Variants in OLA1 observed in about 807,000 individuals in gnomAD.
OLA1 encodes Obg like ATPase 1.
A neutral mutation model predicts 48.4 loss-of-function variants in OLA1; 14 were observed. That is an observed-to-expected ratio of 0.29 (90% CI 0.19 to 0.45). The LOEUF (loss-of-function observed/expected upper bound fraction) is 0.45. Ranked by LOEUF, OLA1 falls within the 20% of genes least tolerant of loss-of-function variation. OLA1 has a pLI of 1.00. For missense variants in OLA1, 325 were observed against 467.1 expected, an observed-to-expected ratio of 0.70 and a Z score of 2.80; for synonymous variants, 127 against 150.4, an observed-to-expected ratio of 0.84 and a Z score of 1.14.
intron 10 of OLA1, 62 bp from the exon 11 acceptor site, chr2:174,075,589 T>C: frequency 2.0e-6 from 2 of 979,302 alleles, no homozygotes; most frequent in East Asian, 2.4e-5. Flanking sequence ...ATGGGGTAAA[T>C]GGTGGCAGCA....
At chr2:174,204,269 C>T (rs1053796564) in intron 4 of OLA1, among the ~76,000 whole-genome samples, 2 of 152,034 alleles carry the variant, frequency 1.3e-5, no homozygotes, top group East Asian at 1.9e-4. Context: ...GGTGTGGTGG[C>T]GGGCGCCTGT....
At chr2:174,159,517 C>T (rs573811228) in intron 4 of OLA1, among the ~76,000 whole-genome samples, 2 of 152,124 alleles carry the variant, frequency 1.3e-5, no homozygotes, top group South Asian at 2.1e-4. Context: ...ACAAAAAAAC[C>T]CACAACTGCT....
At chr2:174,088,988 A>G (rs1685045091) in intron 7 of OLA1, among the ~76,000 whole-genome samples, 1 of 152,232 alleles carries the variant, frequency 6.6e-6, no homozygotes, top group Non-Finnish European at 1.5e-5. Context: ...GTTGTACAGA[A>G]TAACATAATT....
chr2:174,118,950 G>A (rs1468016801), intron 7 of OLA1, among the ~76,000 whole-genome samples: 4 of 151,992 alleles, frequency 2.6e-5, no homozygotes, highest in Non-Finnish European at 5.9e-5. Context: ...AACCAGAAGT[G>A]CACTACTGTA....
chr2:174,079,692 A>C (rs10803881), intron 9 of OLA1, among the ~76,000 whole-genome samples: 147,450 of 151,938 alleles, frequency 0.97, 71,698 homozygotes, highest in East Asian at 1. Flanking sequence ...CTTATAATTA[A>C]CCCATATGTT....
chr2:174,222,895 G>A (rs1371406145), intron 4 of OLA1, 138 bp downstream of exon 4: 43 of 859,798 alleles, frequency 5.0e-5, no homozygotes, highest in Non-Finnish European at 7.2e-5. Context: ...TAAAGTCACA[G>A]ATTTACAGAC....
intron 2 of OLA1, among the ~76,000 whole-genome samples, chr2:174,239,581 CA>C (rs1040160483): frequency 1.3e-5 from 2 of 151,666 alleles, no homozygotes; most frequent in Non-Finnish European, 2.9e-5. Flanking sequence ...ACTAAGGAAA[CA>C]AAACACTTAA....
At chr2:174,116,551 A>G (rs1685787911) in intron 7 of OLA1, among the ~76,000 whole-genome samples, 1 of 152,198 alleles carries the variant, frequency 6.6e-6, no homozygotes, top group Non-Finnish European at 1.5e-5. Context: ...AGGCCCTGAG[A>G]TATGGAAGAG....
intron 7 of OLA1, among the ~76,000 whole-genome samples, chr2:174,099,353 A>G (rs897583294): frequency 1.3e-5 from 2 of 152,052 alleles, no homozygotes; most frequent in Non-Finnish European, 2.9e-5. Context: ...ACAGGGCTTC[A>G]CCATGTTGGC....
rs574769160 is a variant in OLA1 at position 174,229,697 on chromosome 2, T to C, written c.102-246A>G. On this transcript the variant is annotated intron_variant, in intron 2 of 10. Coordinates refer to ENST00000284719, the MANE Select transcript of OLA1 (RefSeq NM_013341.5). ...CAGTCTATTTGAAACTTGAAAAGCA[T>C]GTTCTCAAAGAATCTTTGTTATAAG... is the stretch of plus-strand genomic sequence containing the variant. 7.9e-5 allele frequency among the ~76,000 whole-genome samples: 12 copies of C among 152,362 alleles called. 1 individual carries two copies. The South Asian group carries it at 1.0e-3, about 13-fold the overall frequency.
chr2:174,224,361 T>C (rs1016757468), intron 3 of OLA1, among the ~76,000 whole-genome samples: 20 of 152,220 alleles, frequency 1.3e-4, no homozygotes, highest in Non-Finnish European at 2.6e-4. Context: ...AGAAGCTTGC[T>C]CTACCCCTAA....
chr2:174,098,315 T>A (rs1409577212), intron 7 of OLA1, among the ~76,000 whole-genome samples: 4 of 152,216 alleles, frequency 2.6e-5, no homozygotes, highest in Admixed American at 1.3e-4. Flanking sequence ...TATTCTTTCT[T>A]AAAGAAATGT....
chr2:174,214,776 G>T (rs1428430452), intron 4 of OLA1, among the ~76,000 whole-genome samples: 3 of 152,144 alleles, frequency 2.0e-5, no homozygotes, highest in Non-Finnish European at 4.4e-5. Flanking sequence ...GGGGCTGGGA[G>T]TGGTGGCTCA....
At chr2:174,235,089 G>A (rs1377193942) in intron 2 of OLA1, among the ~76,000 whole-genome samples, 2 of 152,150 alleles carry the variant, frequency 1.3e-5, no homozygotes, top group African/African-American at 2.4e-5. Context: ...AACCCAGGAG[G>A]CAGAGGTTGC....
intron 2 of OLA1, among the ~76,000 whole-genome samples, chr2:174,246,208 G>A (rs1408392729): frequency 6.6e-6 from 1 of 151,276 alleles, no homozygotes; most frequent in Non-Finnish European, 1.5e-5. Flanking sequence ...GCTGAGACAG[G>A]AGAATCACTT....
At chr2:174,214,775 A>T (rs4488627) in intron 4 of OLA1, among the ~76,000 whole-genome samples, 3 of 151,898 alleles carry the variant, frequency 2.0e-5, no homozygotes, top group Non-Finnish European at 4.4e-5. Flanking sequence ...AGGGGCTGGG[A>T]GTGGTGGCTC....
intron 4 of OLA1, among the ~76,000 whole-genome samples, chr2:174,192,287 T>C (rs1051488801): frequency 2.6e-5 from 4 of 152,216 alleles, no homozygotes; most frequent in African/African-American, 7.2e-5. Context: ...AATATGTGCA[T>C]TATACTTATC....
chr2:174,180,949 T>C (rs1336443746), intron 4 of OLA1, among the ~76,000 whole-genome samples: 1 of 152,176 alleles, frequency 6.6e-6, no homozygotes, highest in Non-Finnish European at 1.5e-5. Context: ...AAATTATCAT[T>C]TTAGTACCTT....
intron 3 of OLA1, among the ~76,000 whole-genome samples, chr2:174,223,532 CTT>C (rs1279892914): frequency 6.6e-6 from 1 of 152,128 alleles, no homozygotes; most frequent in Admixed American, 6.6e-5. Flanking sequence ...AGCCAACTAA[CTT>C]TGTGCCAGAC....
Sources: allele counts gnomAD v4.1 joint callset (sites outside exome capture counted in the v4.1 genomes callset), GRCh38; gene constraint gnomAD v4.1.1; transcripts MANE v1.5; gene names NCBI Gene and HGNC (gene_info 2026-07-23, HGNC 2026-07-21).